Variants in ADGRL2 observed in about 807,000 individuals in gnomAD.
The protein encoded by ADGRL2 is adhesion G protein-coupled receptor L2.
A neutral mutation model predicts 157.4 loss-of-function variants in ADGRL2; 44 were observed. The observed-to-expected ratio is 0.28, with a 90% CI of 0.22 to 0.36. The LOEUF is 0.36. ADGRL2 is among the 10% of genes least tolerant of loss of function. The pLI is 1.00. For synonymous variants in ADGRL2, 585 were observed against 624.7 expected, an observed-to-expected ratio of 0.94 and a Z score of 0.95; for missense variants, 1,510 against 1,768.9, an observed-to-expected ratio of 0.85 and a Z score of 2.63.
intron 23 of ADGRL2, chr1:81,989,984 T>C (rs1664255301): frequency 1.0e-6 from 1 of 984,456 alleles, no homozygotes; most frequent in Non-Finnish European, 1.2e-6. Flanking sequence ...TAGGACAAAT[T>C]CTGTTAATTT....
At chr1:81,644,022 AG>A (rs1418186506) in intron 3 of ADGRL2, among the ~76,000 whole-genome samples, 2 of 152,218 alleles carry the variant, frequency 1.3e-5, no homozygotes, top group Non-Finnish European at 2.9e-5. Flanking sequence ...TATTTGTGGA[AG>A]AAGAGACAAA....
chr1:81,419,138 T>G (rs1011742819), intron 1 of ADGRL2, among the ~76,000 whole-genome samples: 12 of 151,612 alleles, frequency 7.9e-5, no homozygotes, highest in Admixed American at 7.9e-4. Flanking sequence ...GTGGAGCATA[T>G]TTGTACTTCT....
chr1:81,318,915 T>A (rs1433106844), intron 1 of ADGRL2, among the ~76,000 whole-genome samples: 1 of 140,380 alleles, frequency 7.1e-6, no homozygotes, highest in Non-Finnish European at 1.5e-5. Flanking sequence ...TTATCCTCCA[T>A]CCTCCATCAA....
chr1:81,462,152 A>AATGGACCAATCACACTCTGTAAG (rs2077947497), intron 2 of ADGRL2, among the ~76,000 whole-genome samples: 1 of 152,020 alleles, frequency 6.6e-6, no homozygotes, highest in Non-Finnish European at 1.5e-5. Context: ...CACTCTGTAA[A>AATGGACCAATCACACTCTGTAAG]ATGGACCAAT....
intron 2 of ADGRL2, among the ~76,000 whole-genome samples, chr1:81,877,096 G>A (rs2093860196): frequency 6.6e-6 from 1 of 152,008 alleles, no homozygotes. Flanking sequence ...GTATTAAATT[G>A]TCCATGATCA....
At chr1:81,546,300 A>G (rs569219090) in intron 2 of ADGRL2, among the ~76,000 whole-genome samples, 25 of 152,318 alleles carry the variant, frequency 1.6e-4, no homozygotes, top group African/African-American at 5.5e-4. Context: ...TTATTTGGGA[A>G]CGCAAAGTCC....
chr1:81,363,923 T>C (rs1193441377), intron 1 of ADGRL2, among the ~76,000 whole-genome samples: 1 of 152,220 alleles, frequency 6.6e-6, no homozygotes, highest in Non-Finnish European at 1.5e-5. Flanking sequence ...ACTGTATGAA[T>C]GTGTTCCTTT....
chr1:81,698,679 A>G (rs2083495288), upstream of ADGRL2, among the ~76,000 whole-genome samples: 1 of 152,206 alleles, frequency 6.6e-6, no homozygotes, highest in African/African-American at 2.4e-5. Context: ...AGAGTACAGT[A>G]CATTGACAAA....
At chr1:81,683,745 G>A (rs376996855) in intron 3 of ADGRL2, among the ~76,000 whole-genome samples, 23 of 152,048 alleles carry the variant, frequency 1.5e-4, no homozygotes, top group African/African-American at 5.5e-4. Flanking sequence ...ATTGGGGTTG[G>A]TTCCACGTTT....
chr1:81,475,279 GTA>G (rs2078249899), intron 2 of ADGRL2, among the ~76,000 whole-genome samples: 1 of 152,098 alleles, frequency 6.6e-6, no homozygotes, highest in South Asian at 2.1e-4. Flanking sequence ...TTTTATCTGA[GTA>G]TGTGAACTTA....
intron 1 of ADGRL2, among the ~76,000 whole-genome samples, chr1:81,390,606 C>A (rs1291208074): frequency 6.6e-6 from 1 of 152,278 alleles, no homozygotes; most frequent in African/African-American, 2.4e-5. Flanking sequence ...ATTGCATATT[C>A]TTCCAGAATT....
chr1:81,396,330 T>C (rs1290131865), intron 1 of ADGRL2, among the ~76,000 whole-genome samples: 1 of 152,240 alleles, frequency 6.6e-6, no homozygotes, highest in South Asian at 2.1e-4. Context: ...ATGCTATTGA[T>C]TTTTGCATGT....
At chr1:81,895,457 G>A (rs1476033318) in intron 2 of ADGRL2, among the ~76,000 whole-genome samples, 1 of 143,834 alleles carries the variant, frequency 7.0e-6, no homozygotes, top group Non-Finnish European at 1.5e-5. Context: ...GGAGTGCAGT[G>A]GTGCAGTCTC....
chr1:81,314,267 G>A (rs774134026), intron 1 of ADGRL2, among the ~76,000 whole-genome samples: 23 of 152,156 alleles, frequency 1.5e-4, no homozygotes, highest in Admixed American at 4.6e-4. Context: ...GCAGACTGTG[G>A]ATTATGTGTT....
At chr1:81,641,541 A>C (rs1350704772) in intron 3 of ADGRL2, among the ~76,000 whole-genome samples, 2 of 152,170 alleles carry the variant, frequency 1.3e-5, no homozygotes, top group African/African-American at 4.8e-5. Context: ...AAAATCCCCC[A>C]AAAAACTTAG....
At chr1:81,605,443 G>T (rs1234405947) in intron 3 of ADGRL2, among the ~76,000 whole-genome samples, 1 of 152,186 alleles carries the variant, frequency 6.6e-6, no homozygotes, top group Non-Finnish European at 1.5e-5. Flanking sequence ...AAGAGAGCAA[G>T]AAATCTAACA....
chr1:81,763,177 A>T (rs1163771717), intron 2 of ADGRL2, among the ~76,000 whole-genome samples: 1 of 152,130 alleles, frequency 6.6e-6, no homozygotes, highest in Non-Finnish European at 1.5e-5. Context: ...TATAACCAGA[A>T]CAAAAACATT....
At chr1:81,516,909 G>A (rs532485811) in intron 2 of ADGRL2, among the ~76,000 whole-genome samples, 4 of 152,070 alleles carry the variant, frequency 2.6e-5, no homozygotes, top group East Asian at 1.9e-4. Context: ...ATGCCATCTC[G>A]GTGGCGCAGA....
rs900204094 is a variant in ADGRL2, at chr1:81,505,448, G to A, written c.-248+60359G>A. Among the ~76,000 whole-genome samples, 5 of 150,744 alleles carry A rather than the reference G, an allele frequency of 3.3e-5. No individual in the cohort carries two copies. In the East Asian group the frequency reaches 5.9e-4, roughly 18 times the overall value. On this transcript the variant is annotated intron_variant, in intron 2 of 24. Coordinates refer to the ADGRL2 transcript ENST00000370721. ...CAGGGAAAGCACACTGTGTCTTTCCGGTCATTGGATCCTCTCCCTTTCCCC... is the reference window on the plus strand; with the variant it reads ...CAGGGAAAGCACACTGTGTCTTTCCAGTCATTGGATCCTCTCCCTTTCCCC...
Sources: allele counts gnomAD v4.1 joint callset (sites outside exome capture counted in the v4.1 genomes callset), GRCh38; gene constraint gnomAD v4.1.1; transcripts MANE v1.5; gene names NCBI Gene and HGNC (gene_info 2026-07-23, HGNC 2026-07-21).